The following FARS2 variants were observed in gnomAD, a reference collection of about 807,000 sequenced individuals.
The protein encoded by FARS2 is phenylalanine--tRNA ligase, mitochondrial.
In FARS2, 40 loss-of-function variants were observed where a neutral mutation model predicts 46.4. The observed-to-expected ratio is 0.86, with a 90% CI of 0.67 to 1.12. The LOEUF (loss-of-function observed/expected upper bound fraction) is 1.12, where lower values mean the gene tolerates loss of function less well. Among genes scored for constraint, FARS2 ranks in the 50% most tolerant of loss-of-function variants. The pLI, the probability that FARS2 is intolerant of heterozygous loss-of-function variation, is 0.00. For synonymous variants in FARS2, 234 were observed against 214.9 expected (o/e 1.09, Z -0.78); for missense variants, 513 against 567.9 (o/e 0.90, Z 0.98).
intron 1 of FARS2, among the ~76,000 whole-genome samples, chr6:5,308,880 G>T (rs1417498568): frequency 6.6e-6 from 1 of 152,200 alleles, no homozygotes; most frequent in Non-Finnish European, 1.5e-5. Context: ...TTGATGTCTG[G>T]TAGGGCTTTC....
intron 2 of FARS2, among the ~76,000 whole-genome samples, chr6:5,394,130 C>G (rs1377170131): frequency 6.6e-6 from 1 of 152,176 alleles, no homozygotes. Context: ...TGAGGAGGAG[C>G]ATAAAGCTGA....
chr6:5,532,777 TAATAATAAGAAGAAG>T (rs1368349698), intron 4 of FARS2, among the ~76,000 whole-genome samples: 5 of 143,370 alleles, frequency 3.5e-5, no homozygotes, highest in African/African-American at 1.4e-4. Context: ...ATAATAATAA[TAATAATAAGAAGAAG>T]AAGAAGAAGA....
chr6:5,453,755 C>G (rs754971237), intron 4 of FARS2, among the ~76,000 whole-genome samples: 8 of 152,134 alleles, frequency 5.3e-5, no homozygotes, highest in Non-Finnish European at 1.2e-4. Flanking sequence ...CAGATGGTAC[C>G]AAGGTATGTA....
intron 1 of FARS2, among the ~76,000 whole-genome samples, chr6:5,319,421 T>TG (rs1159802723): frequency 1.3e-5 from 2 of 152,200 alleles, no homozygotes; most frequent in East Asian, 3.9e-4. Context: ...AAACACACTA[T>TG]GCATGTGGCC....
chr6:5,617,007 T>C (rs1285649033), intron 6 of FARS2, among the ~76,000 whole-genome samples: 1 of 151,874 alleles, frequency 6.6e-6, no homozygotes, highest in African/African-American at 2.4e-5. Context: ...AATTTGGTAG[T>C]GTTCAAGGGG....
chr6:5,496,806 C>T (rs180943328), intron 4 of FARS2, among the ~76,000 whole-genome samples: 3 of 152,250 alleles, frequency 2.0e-5, no homozygotes, highest in Admixed American at 2.0e-4. Context: ...TTAGGACTTT[C>T]ATATATGAAG....
At chr6:5,599,837 C>T (rs1246531897) in intron 5 of FARS2, among the ~76,000 whole-genome samples, 1 of 152,058 alleles carries the variant, frequency 6.6e-6, no homozygotes, top group African/African-American at 2.4e-5. Context: ...CTTCCTTAAC[C>T]AGAGGCACAT....
chr6:5,428,546 G>A (rs1233011804), intron 3 of FARS2, among the ~76,000 whole-genome samples: 2 of 152,042 alleles, frequency 1.3e-5, no homozygotes, highest in East Asian at 3.9e-4. Flanking sequence ...TTCCGCTTAC[G>A]TGCCAAGAGT....
At chr6:5,428,954 C>G (rs530440785) in intron 3 of FARS2, among the ~76,000 whole-genome samples, 33 of 152,226 alleles carry the variant, frequency 2.2e-4, no homozygotes, top group Admixed American at 9.8e-4. Flanking sequence ...TAAAATAACC[C>G]TGATGAAAGA....
Position 5,764,278 on chromosome 6 carries a change from T to C in FARS2, c.1218-7013T>C, listed in dbSNP as rs1398180582. 6.6e-6 allele frequency among the ~76,000 whole-genome samples: 1 copy of C among 152,154 alleles called. No homozygotes were observed. The highest frequency in any genetic ancestry group is 6.5e-5 in the Admixed American group (1 of 15,280). On this transcript the variant is annotated intron_variant, in intron 6 of 6. Transcript: ENST00000274680. The surrounding 1 kb of genome is among the most constrained non-coding windows in gnomAD (Gnocchi z 4.1). ...GGAATTAGAACCAAGTTTCTCTAGC[T>C]GCAAAGTCTGGTTCTCCACTCCACC...
Position 5,369,110 on chromosome 6 carries a change from T to A in FARS2, c.540T>A (p.Arg180=), listed in dbSNP as rs1262212858. ...TGGTGGTGGGTGATGTCTACAGGCG[T>A]GACCAGATCGACTCCCAGCACTACC... The part of the protein sequence containing the change: ...AFLVVGDVYR[R]DQIDSQHYPI... Residue 180 remains arginine (R), a synonymous_variant, in exon 2 of 7, where the codon CGT becomes CGA. Transcript: ENST00000274680. 2 of 1,613,582 alleles carry A rather than the reference T, an allele frequency of 1.2e-6. No homozygotes were observed. Among genetic ancestry groups the A allele is most frequent in the East Asian group, 4.5e-5 (2 of 44,864 alleles).
chr6:5,324,443 CTTT>C (rs745311767), intron 1 of FARS2, among the ~76,000 whole-genome samples: 1 of 88,284 alleles, frequency 1.1e-5, no homozygotes, highest in Non-Finnish European at 2.4e-5. Flanking sequence ...AGACTATTTG[CTTT>C]TTTTTTTTTT....
At chr6:5,501,031 T>A (rs9328306) in intron 4 of FARS2, among the ~76,000 whole-genome samples, 21,392 of 151,204 alleles carry the variant, frequency 0.14, 1,544 homozygotes, top group South Asian at 0.2. Flanking sequence ...AATGCAGTGA[T>A]TAACAAACAC....
chr6:5,763,611 A>G (rs1027386405), intron 6 of FARS2, among the ~76,000 whole-genome samples: 7 of 152,116 alleles, frequency 4.6e-5, no homozygotes, highest in African/African-American at 1.7e-4. Flanking sequence ...CCAGATTCAC[A>G]CAGTCATCAC....
intron 1 of FARS2, among the ~76,000 whole-genome samples, chr6:5,328,432 T>C (rs969543608): frequency 1.3e-5 from 2 of 152,174 alleles, no homozygotes; most frequent in African/African-American, 4.8e-5. Context: ...GACCTTGAAA[T>C]AGGCTCCTCA....
intron 6 of FARS2, among the ~76,000 whole-genome samples, chr6:5,671,934 A>C (rs1027151156): frequency 6.6e-6 from 1 of 152,178 alleles, no homozygotes; most frequent in African/African-American, 2.4e-5. Flanking sequence ...AGGAAACACA[A>C]TTCCGATCAT....
At chr6:5,686,220 A>G (rs552363323) in intron 6 of FARS2, among the ~76,000 whole-genome samples, 9 of 111,724 alleles carry the variant, frequency 8.1e-5, no homozygotes, top group African/African-American at 3.1e-4. Context: ...TTATTATTAT[A>G]CTTTAAGTTT....
chr6:5,522,362 C>A (rs1307980898), intron 4 of FARS2, among the ~76,000 whole-genome samples: 3 of 152,220 alleles, frequency 2.0e-5, no homozygotes. Flanking sequence ...GCAGCTTCCT[C>A]TGTGACCAGG....
Position 5,468,364 on chromosome 6 carries a change from AAAAG to A in FARS2, c.904+37200_904+37203del, listed in dbSNP as rs542334295. Among the ~76,000 whole-genome samples the A allele has an allele frequency of 3.2e-3, 492 of 152,018 alleles. 2 individuals are homozygous for A. Among genetic ancestry groups the A allele is most frequent in the Middle Eastern group, 6.8e-3 (2 of 294 alleles). On this transcript the variant is annotated intron_variant, in intron 4 of 6. Transcript: ENST00000274680. ...TTGGCTGGTAAAAGTAAAAAAAAAA[AAAAG>A]AAAGAAAAAAAGTTAGCCATATAAT...
Sources: gnomAD v4.1 joint callset for allele counts (sites outside exome capture counted in the v4.1 genomes callset) on GRCh38, gnomAD v4.1.1 for gene constraint, Gnocchi (gnomAD v3.1) non-coding constraint, MANE v1.5 for transcripts, NCBI Gene and HGNC (gene_info 2026-07-23, HGNC 2026-07-21) for gene names.